Variants in GRID1 observed in about 807,000 individuals in gnomAD.
GRID1 encodes glutamate receptor ionotropic, delta-1.
In GRID1, 28 loss-of-function variants were observed where a neutral mutation model predicts 98.0. The observed-to-expected ratio is 0.29, with a 90% CI of 0.21 to 0.39. GRID1 has a LOEUF of 0.39. Ranked by LOEUF, GRID1 falls within the 10% of genes least tolerant of loss-of-function variation. The pLI is 1.00. For synonymous variants in GRID1, 553 were observed against 538.5 expected (o/e 1.03, Z -0.37); for missense variants, 1,111 against 1,340.5 (o/e 0.83, Z 2.67).
chr10:85,846,905 A>G (rs1843011808), intron 8 of GRID1, among the ~76,000 whole-genome samples: 1 of 152,240 alleles, frequency 6.6e-6, no homozygotes, highest in Non-Finnish European at 1.5e-5. Context: ...ACCAGCAGCT[A>G]GCCCAGAAAA....
At chr10:85,680,503 G>A (rs1369096181) in intron 12 of GRID1, among the ~76,000 whole-genome samples, 1 of 152,174 alleles carries the variant, frequency 6.6e-6, no homozygotes. Flanking sequence ...CAGAGAAAAG[G>A]GAACGCGTAT....
chr10:86,051,690 T>C (rs969660837), intron 4 of GRID1, among the ~76,000 whole-genome samples: 11 of 152,246 alleles, frequency 7.2e-5, no homozygotes, highest in African/African-American at 2.7e-4. Flanking sequence ...TGTGATAAGA[T>C]GCTTAATCTT....
At chr10:85,899,935 T>C (rs1283016301) in intron 5 of GRID1, among the ~76,000 whole-genome samples, 1 of 152,198 alleles carries the variant, frequency 6.6e-6, no homozygotes, top group Non-Finnish European at 1.5e-5. Context: ...CTCACTTTCC[T>C]TTCCAAAACT....
At chr10:85,989,432 A>G (rs772223168) in intron 4 of GRID1, among the ~76,000 whole-genome samples, 14 of 152,210 alleles carry the variant, frequency 9.2e-5, no homozygotes, top group Non-Finnish European at 1.9e-4. Context: ...GTTGAACCCA[A>G]TAGAGGTACC....
intron 12 of GRID1, among the ~76,000 whole-genome samples, chr10:85,716,676 A>T (rs1380198127): frequency 6.7e-6 from 1 of 148,394 alleles, no homozygotes; most frequent in Non-Finnish European, 1.5e-5. Flanking sequence ...TAATGTAATT[A>T]TTTGTATATA....
chr10:85,764,737 G>A (rs1842180881), intron 8 of GRID1, among the ~76,000 whole-genome samples: 1 of 152,220 alleles, frequency 6.6e-6, no homozygotes. Flanking sequence ...ACAGCTGTTT[G>A]TGAAGCTACA....
At chr10:86,355,518 A>T (rs1482453084) in intron 2 of GRID1, among the ~76,000 whole-genome samples, 1 of 151,902 alleles carries the variant, frequency 6.6e-6, no homozygotes, top group Non-Finnish European at 1.5e-5. Flanking sequence ...TCCCCCAGCT[A>T]ACACCCCCCA....
intron 4 of GRID1, among the ~76,000 whole-genome samples, chr10:85,983,670 G>A (rs1842573474): frequency 6.6e-6 from 1 of 152,110 alleles, no homozygotes; most frequent in South Asian, 2.1e-4. Context: ...AGGGTTATCA[G>A]AGCTGAATGA....
chr10:85,861,948 C>G (rs1843167156), intron 6 of GRID1, among the ~76,000 whole-genome samples: 1 of 152,216 alleles, frequency 6.6e-6, no homozygotes, highest in South Asian at 2.1e-4. Context: ...CTGTCTCCAG[C>G]CTCAGATCCT....
rs1369448358 is a variant in GRID1 at position 85,975,645 on chromosome 10, C to G, written c.727-59406G>C. Among the ~76,000 whole-genome samples, 11 of 152,280 alleles carry G rather than the reference C, an allele frequency of 7.2e-5. No homozygotes were observed. In the East Asian group the frequency reaches 1.4e-3, roughly 19 times the overall value. On this transcript the variant is annotated intron_variant, in intron 4 of 15. Coordinates refer to ENST00000327946, the MANE Select transcript of GRID1 (RefSeq NM_017551.3). Reference sequence around the variant, plus strand: ...CAGTCTATAGTAAGCTACCCCAGAACCCAAACTTTTGGAGACTGACTCTTT... The same window carrying G: ...CAGTCTATAGTAAGCTACCCCAGAAGCCAAACTTTTGGAGACTGACTCTTT...
intron 3 of GRID1, among the ~76,000 whole-genome samples, chr10:86,176,053 C>T (rs1165280874): frequency 1.3e-5 from 2 of 152,300 alleles, no homozygotes; most frequent in Middle Eastern, 3.4e-3. Flanking sequence ...CCATGTTGGC[C>T]AGGCTGGTCT....
intron 2 of GRID1, among the ~76,000 whole-genome samples, chr10:86,270,329 A>G: frequency 6.6e-6 from 1 of 150,548 alleles, no homozygotes; most frequent in East Asian, 1.9e-4. Context: ...CCTCTCTACC[A>G]CCCCCACCCT....
chr10:85,821,895 C>T (rs1021572794), intron 8 of GRID1, among the ~76,000 whole-genome samples: 2 of 152,058 alleles, frequency 1.3e-5, no homozygotes, highest in Non-Finnish European at 2.9e-5. Context: ...CATCTACAAC[C>T]ATCTGATCTT....
intron 3 of GRID1, among the ~76,000 whole-genome samples, chr10:86,202,008 A>C (rs570655732): frequency 2.1e-4 from 32 of 152,314 alleles, no homozygotes; most frequent in African/African-American, 7.5e-4. Flanking sequence ...AAACATATAC[A>C]TCGTAACCAT....
Position 86,218,691 on chromosome 10 carries a change from C to T in GRID1, c.236-12043G>A, listed in dbSNP as rs554431859. 3.2e-4 allele frequency among the ~76,000 whole-genome samples: 49 copies of T among 152,322 alleles called. No individual in the cohort carries two copies. The South Asian group carries it at 9.9e-3, about 31-fold the overall frequency. Reference sequence around the variant, plus strand: ...TCCTTCTCATCTACCCAGACAAGTGCCTCCTCCTCTCCAGGGACCTTCTTG... The same window carrying T: ...TCCTTCTCATCTACCCAGACAAGTGTCTCCTCCTCTCCAGGGACCTTCTTG... On this transcript the variant is annotated intron_variant, in intron 2 of 15. Coordinates refer to ENST00000327946, the MANE Select transcript of GRID1 (RefSeq NM_017551.3).
At chr10:85,697,064 T>G (rs1841402306) in intron 12 of GRID1, among the ~76,000 whole-genome samples, 1 of 152,148 alleles carries the variant, frequency 6.6e-6, no homozygotes, top group Non-Finnish European at 1.5e-5. Flanking sequence ...TCTTGGTGAA[T>G]GTTTCATGCA....
At chr10:85,723,999 T>C (rs549020351) in intron 11 of GRID1, among the ~76,000 whole-genome samples, 1 of 152,252 alleles carries the variant, frequency 6.6e-6, no homozygotes, top group African/African-American at 2.4e-5. Context: ...GGATTTTTTT[T>C]CCCCATTAAG....
chr10:85,600,604 T>G lies in GRID1; in HGVS notation c.*1669A>C, dbSNP rs1166856866. 1 of 152,234 alleles carries G rather than the reference T, an allele frequency of 6.6e-6. No individual in the cohort carries two copies. Among genetic ancestry groups the G allele is most frequent in the Non-Finnish European group, 1.5e-5 (1 of 68,068 alleles). 9.4% of individuals were successfully genotyped at this position (152,234 alleles called of 1,614,324 possible). A position where few individuals can be genotyped will look rare whatever the true frequency, so the allele number is the denominator to read the frequency against. ...GCTGGCTGTGGGAGCTCCACCTCCT[T>G]CAGTGACAGATGTGGGCTGTGTATT... is the stretch of plus-strand genomic sequence containing the variant. On this transcript the variant is annotated 3_prime_UTR_variant, in exon 16 of 16. Coordinates refer to ENST00000327946, the MANE Select transcript of GRID1 (RefSeq NM_017551.3).
intron 8 of GRID1, among the ~76,000 whole-genome samples, chr10:85,783,793 C>T (rs1308337548): frequency 6.6e-6 from 1 of 152,116 alleles, no homozygotes; most frequent in Non-Finnish European, 1.5e-5. Context: ...AATTGTTTTA[C>T]TCCAAAAAAA....
Sources: allele counts gnomAD v4.1 joint callset (sites outside exome capture counted in the v4.1 genomes callset), GRCh38; gene constraint gnomAD v4.1.1; transcripts MANE v1.5; gene names NCBI Gene and HGNC (gene_info 2026-07-23, HGNC 2026-07-21).